CHN2: variants seen among roughly 807,000 people sequenced by gnomAD.
The protein encoded by CHN2 is beta-chimaerin.
CHN2 carries 35 observed loss-of-function variants against 56.3 expected under a neutral mutation model. The ratio of observed to expected loss-of-function variants is 0.62; its 90% CI spans 0.47 to 0.82. The LOEUF (loss-of-function observed/expected upper bound fraction) is 0.82. Ranked by LOEUF, CHN2 falls within the 40% of genes least tolerant of loss-of-function variation. The probability of loss-of-function intolerance (pLI) is 0.00; values close to 1 mark genes in which losing one functional copy is unlikely to be tolerated. For synonymous variants in CHN2, 210 were observed against 212.8 expected, an observed-to-expected ratio of 0.99 and a Z score of 0.12; for missense variants, 491 against 580.5, an observed-to-expected ratio of 0.85 and a Z score of 1.58.
intron 2 of CHN2, among the ~76,000 whole-genome samples, chr7:29,363,778 A>T (rs1185591951): frequency 1.3e-5 from 2 of 152,168 alleles, no homozygotes; most frequent in African/African-American, 4.8e-5. Context: ...GTTTAAGCAG[A>T]TACTTGAATG....
At chr7:29,369,174 A>T (rs774259297) in intron 3 of CHN2, among the ~76,000 whole-genome samples, 1 of 152,232 alleles carries the variant, frequency 6.6e-6, no homozygotes, top group East Asian at 1.9e-4. Flanking sequence ...GAATTAAGAC[A>T]CAAGTTGCTA....
intron 1 of CHN2, among the ~76,000 whole-genome samples, chr7:29,276,240 G>A (rs1791205981): frequency 6.6e-6 from 1 of 152,164 alleles, no homozygotes; most frequent in Non-Finnish European, 1.5e-5. Context: ...TGGAGTTTCT[G>A]AAGGGAACCT....
intron 6 of CHN2, among the ~76,000 whole-genome samples, chr7:29,454,455 G>A (rs935010522): frequency 6.6e-6 from 1 of 152,218 alleles, no homozygotes; most frequent in African/African-American, 2.4e-5. Flanking sequence ...TGAATAGTAT[G>A]TTAAAAGAGT....
intron 6 of CHN2, among the ~76,000 whole-genome samples, chr7:29,462,644 T>C (rs1472471530): frequency 6.6e-6 from 1 of 152,218 alleles, no homozygotes; most frequent in African/African-American, 2.4e-5. Context: ...TTGGGATAGT[T>C]GAACTTTTTG....
chr7:29,391,321 T>C (rs1562569949), intron 3 of CHN2, among the ~76,000 whole-genome samples: 2 of 94,720 alleles, frequency 2.1e-5, no homozygotes, highest in East Asian at 3.1e-4. Context: ...GGGAGGGAGG[T>C]AGGAAGGGAA....
At chr7:29,250,711 CTT>C (rs529820110) in intron 1 of CHN2, among the ~76,000 whole-genome samples, 99 of 110,122 alleles carry the variant, frequency 9.0e-4, no homozygotes, top group Middle Eastern at 4.5e-3. Context: ...TGAACTTCTT[CTT>C]TTTTTTTTTT....
At chr7:29,423,462 G>A (rs1319054226) in intron 6 of CHN2, among the ~76,000 whole-genome samples, 1 of 152,140 alleles carries the variant, frequency 6.6e-6, no homozygotes, top group Non-Finnish European at 1.5e-5. Flanking sequence ...AGAATTCCCT[G>A]GGGTCAGCTG....
At chr7:29,240,270 G>A (rs1171228853) in intron 1 of CHN2, among the ~76,000 whole-genome samples, 12 of 152,116 alleles carry the variant, frequency 7.9e-5, no homozygotes, top group Non-Finnish European at 1.5e-4. Flanking sequence ...TGCCTTCCCC[G>A]GGAACTATTT....
At chr7:29,452,455 T>G (rs1199178635) in intron 6 of CHN2, among the ~76,000 whole-genome samples, 5 of 152,226 alleles carry the variant, frequency 3.3e-5, no homozygotes, top group Non-Finnish European at 7.3e-5. Context: ...AGTCTCATCC[T>G]GTAGTACACC....
chr7:29,197,490 A>G (rs959842894), intron 1 of CHN2, among the ~76,000 whole-genome samples: 2 of 152,282 alleles, frequency 1.3e-5, no homozygotes, highest in South Asian at 2.1e-4. Context: ...ATGTGTGTGG[A>G]GTATTTAGCA....
intron 1 of CHN2, among the ~76,000 whole-genome samples, chr7:29,328,065 A>G (rs1289354973): frequency 6.6e-6 from 1 of 152,236 alleles, no homozygotes; most frequent in Non-Finnish European, 1.5e-5. Context: ...GTTAGTGTCC[A>G]TGAAAATGCT....
intron 1 of CHN2, among the ~76,000 whole-genome samples, chr7:29,274,931 G>A (rs1352770504): frequency 6.6e-6 from 1 of 152,140 alleles, no homozygotes; most frequent in African/African-American, 2.4e-5. Context: ...CAGAGGAAAG[G>A]GTGTGGGAGG....
At chr7:29,360,422 G>A (rs959274869) in intron 2 of CHN2, among the ~76,000 whole-genome samples, 1 of 152,202 alleles carries the variant, frequency 6.6e-6, no homozygotes, top group Admixed American at 6.5e-5. Flanking sequence ...TCGGGAGGCT[G>A]AGGCAGGAGA....
chr7:29,329,769 T>G (rs978328752), intron 1 of CHN2, among the ~76,000 whole-genome samples: 2 of 152,214 alleles, frequency 1.3e-5, no homozygotes, highest in Non-Finnish European at 2.9e-5. Flanking sequence ...AGTCGGCAAA[T>G]CTGTACAATA....
chr7:29,465,488 G>C (rs1785484721), intron 6 of CHN2, among the ~76,000 whole-genome samples: 1 of 152,132 alleles, frequency 6.6e-6, no homozygotes, highest in Non-Finnish European at 1.5e-5. Context: ...TGAGGAACCT[G>C]CTATTACAAT....
intron 3 of CHN2, among the ~76,000 whole-genome samples, chr7:29,383,215 A>G (rs1800656581): frequency 6.6e-6 from 1 of 152,084 alleles, no homozygotes; most frequent in Non-Finnish European, 1.5e-5. Context: ...GAGAAATAGA[A>G]CCAATTGTAT....
At chr7:29,400,447 A>G (rs1041925700) in intron 5 of CHN2, 96 bp from the exon 6 acceptor site, 2 of 1,216,410 alleles carry the variant, frequency 1.6e-6, no homozygotes, top group Non-Finnish European at 2.4e-6. Flanking sequence ...TGCCTGGGAT[A>G]CACTAAGTAT....
chr7:29,509,714 A>G, intron 12 of CHN2: 1 of 217,090 alleles, frequency 4.6e-6, no homozygotes, highest in South Asian at 6.8e-5. Flanking sequence ...GCGTGGTGGC[A>G]GCCGCCTGTA....
At chr7:29,343,286 G>A (rs542394843) in intron 1 of CHN2, among the ~76,000 whole-genome samples, 1 of 152,300 alleles carries the variant, frequency 6.6e-6, no homozygotes, top group African/African-American at 2.4e-5. Context: ...CAGCAAGTAG[G>A]GAGAGTGCCT....
Sources: gnomAD v4.1 joint callset for allele counts (sites outside exome capture counted in the v4.1 genomes callset) on GRCh38, gnomAD v4.1.1 for gene constraint, MANE v1.5 for transcripts, NCBI Gene and HGNC (gene_info 2026-07-23, HGNC 2026-07-21) for gene names.